NCOA6: variants seen among roughly 807,000 people sequenced by gnomAD.
NCOA6 encodes NRC RAP250.
NCOA6 carries 49 observed loss-of-function variants against 171.4 expected under a neutral mutation model. The observed-to-expected ratio is 0.29, with a 90% CI of 0.23 to 0.36. The LOEUF is 0.36. Ranked by LOEUF, NCOA6 falls within the 10% of genes least tolerant of loss-of-function variation. The pLI is 1.00. For synonymous variants in NCOA6, 910 were observed against 927.5 expected, an observed-to-expected ratio of 0.98 and a Z score of 0.34; for missense variants, 2,248 against 2,554.5, an observed-to-expected ratio of 0.88 and a Z score of 2.59.
rs1265251124 is a variant in NCOA6 at position 34,757,834 on chromosome 20, T to C, written c.914A>G (p.Gln305Arg). Residue 305 changes from glutamine (Q) to arginine (R), a missense_variant, in exon 7 of 15, where the codon CAG becomes CGG. Coordinates refer to ENST00000359003, the MANE Select transcript of NCOA6 (RefSeq NM_014071.5). ...QQQQPQGIRPQFTAPTQVPVP... is the reference protein window; with the variant it reads ...QQQQPQGIRPRFTAPTQVPVP... The stretch of plus-strand genomic sequence containing the variant: ...AGGCACCTGAGTTGGGGCAGTAAAC[T>C]GGGGTCGAATTCCCTGTGGCTGTTG... 6 of 1,614,162 alleles carry C rather than the reference T, an allele frequency of 3.7e-6. No individual in the cohort carries two copies. The highest frequency in any genetic ancestry group is 1.3e-5 in the African/African-American group (1 of 75,040).
chr20:34,820,065 TA>T (rs2078960547), intron 1 of NCOA6: 1 of 152,196 alleles, frequency 6.6e-6, no homozygotes, highest in Admixed American at 6.6e-5. Flanking sequence ...ATTAAAGATC[TA>T]ACCATTGAAA....
At chr20:34,743,434 G>T in intron 10 of NCOA6, 93 bp from the exon 11 acceptor site, 2 of 1,343,084 alleles carry the variant, frequency 1.5e-6, no homozygotes, top group Non-Finnish European at 1.0e-6. Context: ...TCATCTAGGT[G>T]GCACAGACTA....
rs529512610 is a variant in NCOA6, at chr20:34,717,343, G to A, written c.6149-1978C>T. Among the ~76,000 whole-genome samples the A allele has an allele frequency of 3.4e-3, 524 of 152,246 alleles. 2 individuals are homozygous for A. Among genetic ancestry groups the A allele is most frequent in the Non-Finnish European group, 5.8e-3 (395 of 68,002 alleles). On this transcript the variant is annotated intron_variant, in intron 14 of 14. Coordinates refer to ENST00000359003, the MANE Select transcript of NCOA6 (RefSeq NM_014071.5). ...TGCATGCCTGTAATCCCAGTTACTCGGGAGGCTAAGGCAGGAGAATTGCTT... is the reference window on the plus strand; with the variant it reads ...TGCATGCCTGTAATCCCAGTTACTCAGGAGGCTAAGGCAGGAGAATTGCTT...
At chr20:34,764,425 G>T (rs941912694) in intron 5 of NCOA6, among the ~76,000 whole-genome samples, 19 of 152,236 alleles carry the variant, frequency 1.2e-4, no homozygotes, top group African/African-American at 4.6e-4. Flanking sequence ...CGGACGCGGT[G>T]GCTCACGCCT....
chr20:34,807,931 C>CA (rs1449323750), intron 1 of NCOA6, among the ~76,000 whole-genome samples: 1 of 151,372 alleles, frequency 6.6e-6, no homozygotes, highest in East Asian at 2.0e-4. Context: ...GGGTGGATCA[C>CA]ATGAAGTCGG....
chr20:34,806,811 G>A (rs576870640), intron 1 of NCOA6, among the ~76,000 whole-genome samples: 33 of 152,288 alleles, frequency 2.2e-4, no homozygotes, highest in Admixed American at 3.9e-4. Context: ...CAATAGTTTT[G>A]TATACTTTCA....
chr20:34,814,102 G>A (rs969666595), intron 1 of NCOA6, among the ~76,000 whole-genome samples: 3 of 152,104 alleles, frequency 2.0e-5, no homozygotes, highest in South Asian at 2.1e-4. Context: ...AGGCTGAGGC[G>A]GGCAGATCAC....
intron 14 of NCOA6, among the ~76,000 whole-genome samples, chr20:34,718,378 TG>T (rs1988864949): frequency 6.6e-6 from 1 of 152,096 alleles, no homozygotes; most frequent in African/African-American, 2.4e-5. Context: ...AAAATCTGTC[TG>T]AAAAAAACAT....
At chr20:34,811,990 C>G (rs964940218) in intron 1 of NCOA6, among the ~76,000 whole-genome samples, 2 of 152,168 alleles carry the variant, frequency 1.3e-5, no homozygotes, top group African/African-American at 2.4e-5. Flanking sequence ...TGGCTCATGC[C>G]TGTAATCCCA....
At chr20:34,744,805 TG>T (rs534682644) in intron 10 of NCOA6, among the ~76,000 whole-genome samples, 145 of 152,342 alleles carry the variant, frequency 9.5e-4, no homozygotes, top group Non-Finnish European at 1.8e-3. Flanking sequence ...ACATTCAGTC[TG>T]GGGTTCCCAC....
intron 1 of NCOA6, among the ~76,000 whole-genome samples, chr20:34,812,376 C>T (rs2078696723): frequency 6.6e-6 from 1 of 152,080 alleles, no homozygotes; most frequent in Non-Finnish European, 1.5e-5. Context: ...AAAGGATCAA[C>T]AAAATGCCTG....
At chr20:34,749,211 C>T (rs188705319) in intron 9 of NCOA6, among the ~76,000 whole-genome samples, 192 bp downstream of exon 9, 73 of 152,196 alleles carry the variant, frequency 4.8e-4, no homozygotes, top group African/African-American at 1.7e-3. Flanking sequence ...AGCGAATTTG[C>T]TTTGAAATAC....
intron 4 of NCOA6, among the ~76,000 whole-genome samples, chr20:34,774,083 G>A (rs1267255002): frequency 6.6e-6 from 1 of 152,128 alleles, no homozygotes; most frequent in African/African-American, 2.4e-5. Context: ...ATAATGTTAA[G>A]GGAGAACCAG....
chr20:34,816,182 C>T (rs1458983331), intron 1 of NCOA6, among the ~76,000 whole-genome samples: 2 of 152,054 alleles, frequency 1.3e-5, no homozygotes, highest in Non-Finnish European at 2.9e-5. Context: ...GCAATCTTAC[C>T]CTTCCATTTT....
At chr20:34,778,165 G>A (rs1020528021) in intron 3 of NCOA6, among the ~76,000 whole-genome samples, 28 of 152,070 alleles carry the variant, frequency 1.8e-4, no homozygotes, top group African/African-American at 6.3e-4. Context: ...GCCTCCCGAA[G>A]TGCTGGGATT....
At chr20:34,782,586 CCAAAAA>C in intron 2 of NCOA6, among the ~76,000 whole-genome samples, 182 bp from the exon 3 acceptor site, 1 of 152,056 alleles carries the variant, frequency 6.6e-6, no homozygotes, top group South Asian at 2.1e-4. Flanking sequence ...CTTACAGTTA[CCAAAAA>C]TAAAAATACA....
chr20:34,715,668 C>T (rs545471166), intron 14 of NCOA6, among the ~76,000 whole-genome samples: 1 of 152,316 alleles, frequency 6.6e-6, no homozygotes, highest in South Asian at 2.1e-4. Context: ...CTGTTTCCCT[C>T]ACCAGTTCTC....
intron 1 of NCOA6, among the ~76,000 whole-genome samples, chr20:34,801,587 C>G (rs1266231250): frequency 3.3e-5 from 5 of 152,098 alleles, no homozygotes; most frequent in African/African-American, 1.2e-4. Flanking sequence ...AATTGGAAAA[C>G]CTAGAAGAAA....
At chr20:34,729,376 GTTATT>G (rs1990341468) in intron 13 of NCOA6, among the ~76,000 whole-genome samples, 1 of 152,124 alleles carries the variant, frequency 6.6e-6, no homozygotes, top group East Asian at 1.9e-4. Flanking sequence ...TTACTGGTGA[GTTATT>G]TTCTTCTTTG....
Sources: allele counts gnomAD v4.1 joint callset (sites outside exome capture counted in the v4.1 genomes callset), GRCh38; gene constraint gnomAD v4.1.1; transcripts MANE v1.5; gene names NCBI Gene and HGNC (gene_info 2026-07-23, HGNC 2026-07-21).